Variants in TSPAN7 observed in about 807,000 individuals in gnomAD.
TSPAN7 encodes tetraspanin 7, also known as tetraspanin-7.
In TSPAN7, 1 loss-of-function variant was observed where a neutral mutation model predicts 17.6. That is an observed-to-expected ratio of 0.06 (90% CI 0.02 to 0.27). The LOEUF is 0.27. TSPAN7 is among the 10% of genes least tolerant of loss of function. The probability of loss-of-function intolerance (pLI) is 1.00; values close to 1 mark genes in which losing one functional copy is unlikely to be tolerated. For synonymous variants in TSPAN7, 78 were observed against 79.0 expected, an observed-to-expected ratio of 0.99 and a Z score of 0.07; for missense variants, 112 against 201.7, an observed-to-expected ratio of 0.56 and a Z score of 2.69.
chrX:38,564,430 G>T (rs2069131132), intron 1 of TSPAN7, among the ~76,000 whole-genome samples: 1 of 111,992 alleles, frequency 8.9e-6, no homozygotes, highest in Non-Finnish European at 1.9e-5. Context: ...TAGCTATCAT[G>T]GATAATGGTG....
chrX:38,637,097 G>A (rs2069585484), intron 1 of TSPAN7, among the ~76,000 whole-genome samples: 1 of 111,929 alleles, frequency 8.9e-6, no homozygotes, highest in Non-Finnish European at 1.9e-5. Context: ...GTTACATCCT[G>A]ACTTTCTGGG....
At chrX:38,644,549 C>G (rs915924318) in intron 1 of TSPAN7, among the ~76,000 whole-genome samples, 6 of 111,660 alleles carry the variant, frequency 5.4e-5, no homozygotes, top group Non-Finnish European at 1.1e-4. Context: ...CCTCAACCCC[C>G]GTCTGTAATA....
Position 38,667,316 on chromosome X carries a change from G to A in TSPAN7, c.270+1007G>A, listed in dbSNP as rs773009356. On this transcript the variant is annotated intron_variant, in intron 2 of 7. Transcript: ENST00000378482. ...AACTAATTCTCTATTCACTGTTCAT[G>A]TTCTTCACTGATGGGGATTAATGGT... Among the ~76,000 whole-genome samples the A allele has an allele frequency of 1.2e-4, 13 of 112,568 alleles. 1 individual carries two copies. The Middle Eastern group carries it at 0.014, about 120-fold the overall frequency.
chrX:38,568,833 T>C (rs1330209741), intron 1 of TSPAN7, among the ~76,000 whole-genome samples: 1 of 111,298 alleles, frequency 9.0e-6, no homozygotes, highest in Non-Finnish European at 1.9e-5. Flanking sequence ...TTCTTCTTGT[T>C]CTATTTCTGG....
chrX:38,564,279 T>C (rs144133321), intron 1 of TSPAN7, among the ~76,000 whole-genome samples: 1 of 111,775 alleles, frequency 8.9e-6, no homozygotes, highest in African/African-American at 3.3e-5. Context: ...CTCAGCATAA[T>C]TACTTCAAGG....
intron 1 of TSPAN7, among the ~76,000 whole-genome samples, chrX:38,649,502 A>G (rs1447463969): frequency 8.9e-6 from 1 of 111,758 alleles, no homozygotes; most frequent in Non-Finnish European, 1.9e-5. Context: ...CCTAAGCCAC[A>G]CTTTTGGGAG....
At chrX:38,595,078 G>A (rs759672051) in intron 1 of TSPAN7, among the ~76,000 whole-genome samples, 4 of 111,049 alleles carry the variant, frequency 3.6e-5, no homozygotes, top group East Asian at 2.8e-4. Context: ...TATTTTTAAC[G>A]AATAATCTTG....
chrX:38,591,187 T>C (rs1335068200), intron 1 of TSPAN7, among the ~76,000 whole-genome samples: 2 of 111,270 alleles, frequency 1.8e-5, no homozygotes, highest in Non-Finnish European at 3.8e-5. Context: ...TTTCCCTAAG[T>C]ACTGTTTTAG....
chrX:38,663,182 GAC>G (rs372769275), intron 1 of TSPAN7, among the ~76,000 whole-genome samples: 11 of 83,722 alleles, frequency 1.3e-4, no homozygotes, highest in African/African-American at 6.5e-4. Flanking sequence ...CACACACACA[GAC>G]ACACACACAC....
intron 1 of TSPAN7, among the ~76,000 whole-genome samples, chrX:38,628,338 T>G (rs746901452): frequency 8.9e-6 from 1 of 111,891 alleles, no homozygotes; most frequent in East Asian, 2.8e-4. Flanking sequence ...GCAAATATGT[T>G]TTTTTTTGTT....
At chrX:38,659,716 C>T (rs1210784780) in intron 1 of TSPAN7, among the ~76,000 whole-genome samples, 1 of 106,588 alleles carries the variant, frequency 9.4e-6, no homozygotes, top group East Asian at 2.9e-4. Flanking sequence ...AGTCTGGCCT[C>T]GAACTCCTGG....
chrX:38,632,156 T>C (rs2069555114), intron 1 of TSPAN7, among the ~76,000 whole-genome samples: 1 of 111,928 alleles, frequency 8.9e-6, no homozygotes, highest in Non-Finnish European at 1.9e-5. Context: ...CTAATGCCAT[T>C]AAGATTTCAA....
At chrX:38,577,128 A>G (rs934435607) in intron 1 of TSPAN7, among the ~76,000 whole-genome samples, 7 of 111,746 alleles carry the variant, frequency 6.3e-5, no homozygotes, top group African/African-American at 2.3e-4. Context: ...GTGCTTAAAG[A>G]GCATGGATGA....
intron 1 of TSPAN7, chrX:38,566,304 T>A: frequency 1.1e-6 from 1 of 950,638 alleles, no homozygotes; most frequent in Non-Finnish European, 1.3e-6. Flanking sequence ...TCTCCTGATT[T>A]GTATGTTTTA....
chrX:38,627,968 T>C (rs966788400), intron 1 of TSPAN7, among the ~76,000 whole-genome samples: 4 of 112,953 alleles, frequency 3.5e-5, no homozygotes, highest in African/African-American at 9.6e-5. Flanking sequence ...TGGACTTGAA[T>C]ATGGGAAGCA....
At chrX:38,568,398 A>AT (rs2069154252) in intron 1 of TSPAN7, among the ~76,000 whole-genome samples, 2 of 106,684 alleles carry the variant, frequency 1.9e-5, no homozygotes, top group South Asian at 8.1e-4. Context: ...TGAAAATCTT[A>AT]TTTTTCTCTT....
chrX:38,665,414 A>T (rs769038776), intron 1 of TSPAN7, among the ~76,000 whole-genome samples: 7 of 111,432 alleles, frequency 6.3e-5, no homozygotes, highest in Non-Finnish European at 1.3e-4. Flanking sequence ...GGTGTTAGGC[A>T]TAGTATGCAC....
chrX:38,596,279 G>A (rs920318288), intron 1 of TSPAN7, among the ~76,000 whole-genome samples: 1 of 111,183 alleles, frequency 9.0e-6, no homozygotes, highest in South Asian at 3.8e-4. Flanking sequence ...CCTTAATGCT[G>A]CTAATGGTCA....
At chrX:38,596,151 C>A (rs764382270) in intron 1 of TSPAN7, among the ~76,000 whole-genome samples, 101 of 111,397 alleles carry the variant, frequency 9.1e-4, no homozygotes, top group Non-Finnish European at 1.6e-3. Context: ...CCTTTATCTG[C>A]AGATAACAGC....
Sources: allele counts gnomAD v4.1 joint callset (sites outside exome capture counted in the v4.1 genomes callset), GRCh38; gene constraint gnomAD v4.1.1; transcripts MANE v1.5; gene names NCBI Gene and HGNC (gene_info 2026-07-23, HGNC 2026-07-21).